Variants in TRAF3IP1 observed in about 807,000 individuals in gnomAD.
The protein encoded by TRAF3IP1 is intraflagellar transport 54, also known as TRAF3-interacting protein 1.
TRAF3IP1 carries 53 observed loss-of-function variants against 89.9 expected under a neutral mutation model. The observed-to-expected ratio is 0.59, with a 90% CI of 0.47 to 0.74. The LOEUF (loss-of-function observed/expected upper bound fraction) is 0.74. Ranked by LOEUF, TRAF3IP1 falls within the 30% of genes least tolerant of loss-of-function variation. The pLI is 0.00. For missense variants in TRAF3IP1, 806 were observed against 866.1 expected (o/e 0.93, Z 0.87); for synonymous variants, 311 against 322.1 (o/e 0.97, Z 0.37).
intron 15 of TRAF3IP1, among the ~76,000 whole-genome samples, chr2:238,396,201 T>A (rs376084027): frequency 6.6e-6 from 1 of 152,058 alleles, no homozygotes; most frequent in Non-Finnish European, 1.5e-5. Context: ...ATGCAGCCAT[T>A]AAAAATGATG....
rs557853181 is a variant in TRAF3IP1 at position 238,351,021 on chromosome 2, G to A, written c.1451+1613G>A. Among the ~76,000 whole-genome samples, 3 of 152,160 alleles carry A rather than the reference G, an allele frequency of 2.0e-5. No individual in the cohort carries two copies. Among genetic ancestry groups the A allele is most frequent in the African/African-American group, 4.8e-5 (2 of 41,426 alleles). Reference sequence around the variant, plus strand: ...TTAGGATTGAGAGGCTGAAGGTGCCGGATGGATAGAAGGATTGTTGGAGTC... The same window carrying A: ...TTAGGATTGAGAGGCTGAAGGTGCCAGATGGATAGAAGGATTGTTGGAGTC... On this transcript the variant is annotated intron_variant, in intron 12 of 16. Coordinates refer to ENST00000373327, the MANE Select transcript of TRAF3IP1 (RefSeq NM_015650.4). This position sits in a 1 kb window ranked among gnomAD's most constrained non-coding sequence, Gnocchi z 5.2.
intron 15 of TRAF3IP1, among the ~76,000 whole-genome samples, chr2:238,383,340 G>A (rs1178777532): frequency 6.6e-6 from 1 of 152,218 alleles, no homozygotes. Context: ...CACACAGTAG[G>A]TGCTCAGTAA....
chr2:238,398,370 A>T (rs1701334441), intron 16 of TRAF3IP1, among the ~76,000 whole-genome samples: 1 of 137,958 alleles, frequency 7.2e-6, no homozygotes, highest in Admixed American at 7.7e-5. Flanking sequence ...GCCCTGCAGC[A>T]GGAGCAGAGG....
chr2:238,332,821 TAGTC>T lies in TRAF3IP1; in HGVS notation c.916_919del (p.Ser306GlnfsTer34), dbSNP rs745954112. The T allele has an allele frequency of 8.2e-5, 131 of 1,596,672 alleles. No homozygotes were observed. Among genetic ancestry groups the T allele is most frequent in the Middle Eastern group, 1.7e-4 (1 of 5,928 alleles). On this transcript the variant is annotated splice_acceptor_variant and coding_sequence_variant, in exon 6 of 17. Transcript: ENST00000373327. LOFTEE classifies it high-confidence loss of function. The stretch of plus-strand genomic sequence containing the variant: ...AAGTTTGAATTTTTTTTTTTTTTAA[TAGTC>T]AGCAAGCTCAGGGGAGATGTCTAAA...
intron 15 of TRAF3IP1, among the ~76,000 whole-genome samples, chr2:238,392,167 T>C (rs569245127): frequency 1.1e-4 from 17 of 152,280 alleles, no homozygotes; most frequent in African/African-American, 4.1e-4. Context: ...GCCCAGGAGT[T>C]TGCGTTCAGC....
At chr2:238,370,463 A>ATG (rs1491139059) in intron 15 of TRAF3IP1, among the ~76,000 whole-genome samples, 6 of 152,056 alleles carry the variant, frequency 3.9e-5, no homozygotes, top group Admixed American at 3.9e-4. Flanking sequence ...GTGTGTGTAC[A>ATG]TGTGTGTGTG....
At chr2:238,364,056 C>T (rs1005724749) in intron 15 of TRAF3IP1, among the ~76,000 whole-genome samples, 2 of 152,138 alleles carry the variant, frequency 1.3e-5, no homozygotes, top group South Asian at 4.1e-4. Context: ...ATAATAATTG[C>T]TTATTTTCTC....
At chr2:238,391,685 A>G (rs1184435175) in intron 15 of TRAF3IP1, among the ~76,000 whole-genome samples, 1 of 152,144 alleles carries the variant, frequency 6.6e-6, no homozygotes, top group East Asian at 1.9e-4. Context: ...GTCCTGTGCA[A>G]TAGAAATATG....
intron 12 of TRAF3IP1, among the ~76,000 whole-genome samples, chr2:238,349,691 G>C (rs920409575): frequency 1.3e-5 from 2 of 152,192 alleles, no homozygotes; most frequent in South Asian, 2.1e-4. Context: ...TTCTAAGCGT[G>C]AAAACAATAG....
In TRAF3IP1 at chr2:238,352,948, A is replaced by T. The variant is rs147241665; in HGVS notation, c.1573A>T (p.Met525Leu). The change falls in exon 13 of 17, where the codon ATG becomes TTG. Residue 525 changes from methionine to leucine, a missense_variant and splice_region_variant. Met to Leu is a conservative substitution (Grantham distance 15). Around this residue, in one of 3 missense-constraint regions of TRAF3IP1, gnomAD observed 732 missense variants for 780.5 expected, o/e 0.94. Transcript: ENST00000373327. ...GCTCTCTGAAATGTCAGAAATTGAA[A>T]TGGTTAGTTAACCGAAATATGATGT... is the stretch of plus-strand genomic sequence containing the variant. ...PQLSEMSEIE[M>L]VTAVELEEEE... 5 of 1,607,314 alleles carry T rather than the reference A, an allele frequency of 3.1e-6. No individual in the cohort carries two copies. The highest frequency in any genetic ancestry group is 4.2e-6 in the Non-Finnish European group (5 of 1,178,270).
chr2:238,351,408 C>G lies in TRAF3IP1; in HGVS notation c.1452-1419C>G, dbSNP rs552322290. On this transcript the variant is annotated intron_variant, in intron 12 of 16. Transcript: ENST00000373327. The surrounding 1 kb of genome is among the most constrained non-coding windows in gnomAD (Gnocchi z 5.2). ...AGAGTGATCTGGAAGCCGAAGCAAG[C>G]ATAAGGAAATTACTGACCTTCCCTC... Among the ~76,000 whole-genome samples, 23 of 151,986 alleles carry G rather than the reference C, an allele frequency of 1.5e-4. No homozygotes were observed. The highest frequency in any genetic ancestry group is 5.3e-4 in the African/African-American group (22 of 41,424).
At chr2:238,376,594 T>G (rs1231440225) in intron 15 of TRAF3IP1, among the ~76,000 whole-genome samples, 1 of 152,272 alleles carries the variant, frequency 6.6e-6, no homozygotes, top group African/African-American at 2.4e-5. Context: ...TCCATTTATT[T>G]AGACTTGCTT....
At chr2:238,340,288 T>C (rs750197582) in intron 8 of TRAF3IP1, among the ~76,000 whole-genome samples, 82 of 152,182 alleles carry the variant, frequency 5.4e-4, no homozygotes, top group Non-Finnish European at 9.4e-4. Flanking sequence ...AATTTCTTCA[T>C]TGAGGGTGCA....
At chr2:238,396,368 G>A (rs1439480741) in intron 15 of TRAF3IP1, among the ~76,000 whole-genome samples, 2 of 130,352 alleles carry the variant, frequency 1.5e-5, no homozygotes, top group East Asian at 2.4e-4. Context: ...ATCACAATCC[G>A]GGGCCTGTTG....
At position 238,369,956 on chromosome 2, in the gene TRAF3IP1, C is replaced by A. The variant is rs190582562; in HGVS notation, c.1689+13876C>A. Among the ~76,000 whole-genome samples, 8 of 152,238 alleles carry A rather than the reference C, an allele frequency of 5.3e-5. No individual in the cohort carries two copies. In the East Asian group the frequency reaches 1.5e-3, roughly 29 times the overall value. The stretch of plus-strand genomic sequence containing the variant: ...GAGCTCCTTCAAGCTGGCTTTGTGT[C>A]CTTTCAGCCTGCGCCCAGCATTCTT... On this transcript the variant is annotated intron_variant, in intron 15 of 16. Transcript: ENST00000373327.
At chr2:238,348,463 A>T (rs1699001304) in intron 10 of TRAF3IP1, among the ~76,000 whole-genome samples, 1 of 152,004 alleles carries the variant, frequency 6.6e-6, no homozygotes, top group South Asian at 2.1e-4. Context: ...CTTGGGTTGT[A>T]TTTCCTTTAA....
intron 15 of TRAF3IP1, among the ~76,000 whole-genome samples, chr2:238,393,302 T>C (rs890959496): frequency 6.6e-6 from 1 of 152,246 alleles, no homozygotes; most frequent in Admixed American, 6.5e-5. Flanking sequence ...ATTTCAAACA[T>C]ATTTTCATGT....
At chr2:238,367,182 A>AAAG (rs1181034501) in intron 15 of TRAF3IP1, among the ~76,000 whole-genome samples, 1 of 150,636 alleles carries the variant, frequency 6.6e-6, no homozygotes, top group Non-Finnish European at 1.5e-5. Flanking sequence ...AAAAAAAAAA[A>AAAG]AAAAAAAGAA....
intron 1 of TRAF3IP1, 134 bp downstream of exon 1, chr2:238,320,919 C>T: frequency 1.3e-6 from 1 of 751,984 alleles, no homozygotes; most frequent in Non-Finnish European, 1.8e-6. Flanking sequence ...CGGGGCTGGG[C>T]CGGAGTCGGG....
Sources: allele counts gnomAD v4.1 joint callset (sites outside exome capture counted in the v4.1 genomes callset), GRCh38; gene constraint gnomAD v4.1.1; regional missense constraint gnomAD v4.1.1; non-coding constraint Gnocchi (gnomAD v3.1); transcripts MANE v1.5; gene names NCBI Gene and HGNC (gene_info 2026-07-23, HGNC 2026-07-21).